TRRAP: variants seen among roughly 807,000 people sequenced by gnomAD.
TRRAP encodes the protein transformation/transcription domain associated protein, also known as transformation/transcription domain-associated protein.
In TRRAP, 41 loss-of-function variants were observed where a neutral mutation model predicts 438.8. The ratio of observed to expected loss-of-function variants is 0.09; its 90% CI spans 0.07 to 0.12. The LOEUF (loss-of-function observed/expected upper bound fraction) is 0.12, where lower values mean the gene tolerates loss of function less well. Among genes scored for constraint, TRRAP ranks in the 10% least tolerant of loss-of-function variants. The pLI is 1.00. For missense variants in TRRAP, 3,122 were observed against 5,055.1 expected, an observed-to-expected ratio of 0.62 and a Z score of 11.60; for synonymous variants, 1,994 against 1,962.9, an observed-to-expected ratio of 1.02 and a Z score of -0.42.
chr7:98,911,178 G>A lies in TRRAP; in HGVS notation c.1914G>A (p.Val638=), dbSNP rs782168287. 5.6e-5 allele frequency: 90 copies of A among 1,614,064 alleles called. No individual in the cohort carries two copies. The highest frequency in any genetic ancestry group is 7.5e-5 in the Non-Finnish European group (89 of 1,180,058). The change falls in exon 17 of 73, where the codon GTG becomes GTA. Residue 638 remains valine, a synonymous_variant. Transcript: ENST00000456197. The stretch of plus-strand genomic sequence containing the variant: ...AGGTATTGGAGCATTTCGCTGGTGT[G>A]TTCACAATGATGAACCCCTTAACGT... ...EKEVLEHFAG[V]FTMMNPLTFK...
chr7:98,930,752 G>A lies in TRRAP; in HGVS notation c.3513G>A (p.Leu1171=), dbSNP rs1554412677. 2 of 1,614,210 alleles carry A rather than the reference G, an allele frequency of 1.2e-6. No individual in the cohort carries two copies. The highest frequency in any genetic ancestry group is 8.5e-7 in the Non-Finnish European group (1 of 1,180,046). ...CTATTAAGTTTCTCATGGAGCGGCT[G>A]CCTCTCACTTGGGTTCTCCAGAACC... ...VVSIKFLMER[L]PLTWVLQNQQ... Residue 1171 remains leucine, a synonymous_variant, in exon 25 of 73, where the codon CTG becomes CTA. Transcript: ENST00000456197.
At chr7:98,984,849 C>T in intron 61 of TRRAP, 95 bp from the exon 62 acceptor site, 1 of 723,558 alleles carries the variant, frequency 1.4e-6, no homozygotes, top group Non-Finnish European at 2.3e-6. Flanking sequence ...TGGTCAATGA[C>T]TCATAGGACT....
intron 52 of TRRAP, among the ~76,000 whole-genome samples, chr7:98,971,333 C>T (rs943924714): frequency 6.6e-6 from 1 of 152,144 alleles, no homozygotes; most frequent in African/African-American, 2.4e-5. Flanking sequence ...CTGACTTCTC[C>T]AAACCTTCAG....
rs143014711 is a variant in TRRAP at position 98,955,262 on chromosome 7, G to A, written c.5895G>A (p.Pro1965=). 47 of 1,614,066 alleles carry A rather than the reference G, an allele frequency of 2.9e-5. No individual in the cohort carries two copies. In the African/African-American group the frequency reaches 5.6e-4, roughly 19 times the overall value. The part of the protein sequence containing the change: ...KIIVEEGHTV[P]QLVHILHLIV... ...TTGTGGAGGAGGGGCACACCGTCCC[G>A]CAGCTGGTCCACATTCTGCACCTGA... The change falls in exon 41 of 73, where the codon CCG becomes CCA. Residue 1965 remains proline, a synonymous_variant. Transcript: ENST00000456197.
chr7:98,898,527 A>G (rs568525695), intron 8 of TRRAP, among the ~76,000 whole-genome samples: 1 of 152,238 alleles, frequency 6.6e-6, no homozygotes, highest in Non-Finnish European at 1.5e-5. Context: ...AGGATGAACA[A>G]GAAACTTTGA....
Position 98,977,014 on chromosome 7 carries a change from C to T in TRRAP, c.8323C>T (p.Arg2775Trp), listed in dbSNP as rs371221629. 4 of 1,614,202 alleles carry T rather than the reference C, an allele frequency of 2.5e-6. No homozygotes were observed. Among genetic ancestry groups the T allele is most frequent in the Non-Finnish European group, 2.5e-6 (3 of 1,180,034 alleles). Residue 2775 changes from arginine (R) to tryptophan (W), a missense_variant, in exon 56 of 73, where the codon CGG (arginine) becomes TGG (tryptophan). By Grantham distance (101) the Arg-to-Trp change is moderately radical (BLOSUM62 -3). Coordinates refer to ENST00000456197, the MANE Select transcript of TRRAP (RefSeq NM_001375524.1). ...TATGTGGGCTGGTCTGTGGCAGAAG[C>T]GGTGCAAGTACTCGGAGACAGCGAC... is the stretch of plus-strand genomic sequence containing the variant. ...EDMWAGLWQK[R>W]CKYSETATAI...
chr7:98,995,338 CAG>C (rs1053389766), intron 67 of TRRAP, among the ~76,000 whole-genome samples: 5 of 149,154 alleles, frequency 3.4e-5, no homozygotes, highest in African/African-American at 1.2e-4. Flanking sequence ...CAGTGGGAGA[CAG>C]GGTCCGGTGG....
Position 98,977,185 on chromosome 7 carries a change from G to A in TRRAP, c.8385+109G>A, listed in dbSNP as rs139646466. The stretch of plus-strand genomic sequence containing the variant: ...AGTTCACGTTCTCTTTTTTTGAGAT[G>A]GAGTCTTGCTCTGTCGCCCAGCCTG... On this transcript the variant is annotated intron_variant, in intron 56 of 72. Coordinates refer to ENST00000456197, the MANE Select transcript of TRRAP (RefSeq NM_001375524.1). 1.8e-4 allele frequency: 266 copies of A among 1,487,676 alleles called. 3 individuals carry two copies. The East Asian group carries it at 6.2e-3, about 35-fold the overall frequency. The allele number at this position is 1,487,676 out of a possible 1,614,324, so 92.2% of individuals were successfully genotyped here. A position where few individuals can be genotyped will look rare whatever the true frequency, so the allele number is the denominator to read the frequency against.
intron 30 of TRRAP, among the ~76,000 whole-genome samples, chr7:98,939,227 G>T (rs1235769665): frequency 6.6e-6 from 1 of 152,114 alleles, no homozygotes; most frequent in Non-Finnish European, 1.5e-5. Flanking sequence ...TATTTTTGGT[G>T]TACCTTTCCC....
At chr7:98,999,158 G>C (rs1793803924) in intron 67 of TRRAP, 1 of 1,577,440 alleles carries the variant, frequency 6.3e-7, no homozygotes, top group African/African-American at 1.3e-5. Flanking sequence ...CATTGAACCT[G>C]GCCATCTCTG....
In TRRAP at chr7:98,895,826, T is replaced by G. The variant is rs782028108; in HGVS notation, c.507+6T>G. On this transcript the variant is annotated splice_donor_region_variant and intron_variant, in intron 7 of 72. Transcript: ENST00000456197. ...AGGAGCTTCCAAAAGTAGTGGTATGTTTTTACTTTGGTTTTAATTAGTTAC... is the reference window on the plus strand; with the variant it reads ...AGGAGCTTCCAAAAGTAGTGGTATGGTTTTACTTTGGTTTTAATTAGTTAC... 58 of 1,599,138 alleles carry G rather than the reference T, an allele frequency of 3.6e-5. No individual in the cohort carries two copies. Among genetic ancestry groups the G allele is most frequent in the Non-Finnish European group, 4.9e-5 (58 of 1,173,116 alleles).
At position 98,984,929 on chromosome 7, in the gene TRRAP, A is replaced by T. The variant is rs764806158; in HGVS notation, c.9289-15A>T. On this transcript the variant is annotated splice_polypyrimidine_tract_variant and intron_variant, in intron 61 of 72. Coordinates refer to ENST00000456197, the MANE Select transcript of TRRAP (RefSeq NM_001375524.1). The stretch of plus-strand genomic sequence containing the variant: ...AATTTCAAGAACTTTTTTTCTGCTC[A>T]TTTTTTTTGAACAGGGCCTTGAAGT... 3.8e-6 allele frequency: 6 copies of T among 1,559,058 alleles called. No individual in the cohort carries two copies. The highest frequency in any genetic ancestry group is 3.8e-5 in the Admixed American group (2 of 51,958).
chr7:98,967,569 C>T lies in TRRAP; in HGVS notation c.7383C>T (p.Ile2461=). Reference sequence around the variant, plus strand: ...GGCTGCGCTGTGCCCAGCCACTCATCAGGGCAAAGTTTTTCGAGGTTTTTG... The same window carrying T: ...GGCTGCGCTGTGCCCAGCCACTCATTAGGGCAAAGTTTTTCGAGGTTTTTG... ...LSGLRCAQPL[I]RAKFFEVFDN... is the part of the protein sequence containing the mutation. Residue 2461 remains isoleucine (I), a synonymous_variant, in exon 51 of 73, where the codon ATC becomes ATT. Coordinates refer to ENST00000456197, the MANE Select transcript of TRRAP (RefSeq NM_001375524.1). 1.9e-6 allele frequency: 3 copies of T among 1,614,138 alleles called. No homozygotes were observed. Among genetic ancestry groups the T allele is most frequent in the African/African-American group, 1.3e-5 (1 of 75,036 alleles).
chr7:98,928,588 A>G (rs1790160533), intron 23 of TRRAP, among the ~76,000 whole-genome samples: 1 of 152,120 alleles, frequency 6.6e-6, no homozygotes, highest in Non-Finnish European at 1.5e-5. Flanking sequence ...CCGAGGCATT[A>G]CCTAATAATG....
At position 98,965,746 on chromosome 7, in the gene TRRAP, G is replaced by C; in HGVS notation, c.7027G>C (p.Ala2343Pro). The change falls in exon 49 of 73, where the codon GCA (alanine) becomes CCA (proline). Residue 2343 changes from alanine (A) to proline (P), a missense_variant. Ala to Pro is a conservative substitution (Grantham distance 27). Transcript: ENST00000456197. ...TCTGGAGCTGGTGAAGACGCGCCTG[G>C]CAGTGATGAGCATGGAGATGCGGAA... ...LSLELVKTRLAVMSMEMRKNF... is the reference protein window; with the variant it reads ...LSLELVKTRLPVMSMEMRKNF... 1 of 1,614,136 alleles carries C rather than the reference G, an allele frequency of 6.2e-7. No individual in the cohort carries two copies. The highest frequency in any genetic ancestry group is 8.5e-7 in the Non-Finnish European group (1 of 1,180,034).
chr7:98,999,029 G>T, intron 67 of TRRAP: 1 of 780,880 alleles, frequency 1.3e-6, no homozygotes, highest in Non-Finnish European at 2.1e-6. Context: ...TCTGCCACCA[G>T]CTCCAAGGTG....
At chr7:98,949,611 C>G in intron 36 of TRRAP, 30 bp downstream of exon 36, 1 of 1,590,318 alleles carries the variant, frequency 6.3e-7, no homozygotes, top group South Asian at 1.1e-5. Context: ...CCCCCAATGC[C>G]CAGGGGTTTA....
intron 3 of TRRAP, among the ~76,000 whole-genome samples, chr7:98,884,392 G>A (rs1421436945): frequency 6.6e-6 from 1 of 152,024 alleles, no homozygotes; most frequent in East Asian, 1.9e-4. Flanking sequence ...GCACCACCAT[G>A]CCCCACTAAT....
chr7:98,974,679 A>T (rs960978423), intron 53 of TRRAP, among the ~76,000 whole-genome samples: 3 of 152,202 alleles, frequency 2.0e-5, no homozygotes, highest in African/African-American at 7.2e-5. Context: ...AATCCCGAAA[A>T]TATAATGCTG....
Sources: gnomAD v4.1 joint callset for allele counts (sites outside exome capture counted in the v4.1 genomes callset) on GRCh38, gnomAD v4.1.1 for gene constraint, MANE v1.5 for transcripts, NCBI Gene and HGNC (gene_info 2026-07-23, HGNC 2026-07-21) for gene names.